RCAN1: variants seen among roughly 807,000 people sequenced by gnomAD.
The protein encoded by RCAN1 is regulator of calcineurin 1, also known as calcipressin-1.
In RCAN1, 11 loss-of-function variants were observed where a neutral mutation model predicts 22.9. The observed-to-expected ratio is 0.48, with a 90% CI of 0.30 to 0.79. The LOEUF (loss-of-function observed/expected upper bound fraction) is 0.79. RCAN1 is among the 30% of genes least tolerant of loss of function. The pLI, the probability that RCAN1 is intolerant of heterozygous loss-of-function variation, is 0.06. For synonymous variants in RCAN1, 136 were observed against 142.3 expected (o/e 0.96, Z 0.32); for missense variants, 291 against 337.8 (o/e 0.86, Z 1.09).
intron 1 of RCAN1, among the ~76,000 whole-genome samples, chr21:34,568,144 T>C (rs953741216): frequency 6.6e-6 from 1 of 152,200 alleles, no homozygotes; most frequent in Non-Finnish European, 1.5e-5. Context: ...AAGCCCGAAG[T>C]GCACATTGAA....
Position 34,585,521 on chromosome 21 carries a change from A to T in RCAN1, c.252+29239T>A, listed in dbSNP as rs138390626. On this transcript the variant is annotated intron_variant, in intron 1 of 3. Transcript: ENST00000313806. ...CACTTTCGGAGGCCGAGGTGGGCGG[A>T]TCACAAGGTCAGGAGATCAAGACCA... is the stretch of plus-strand genomic sequence containing the variant. Among the ~76,000 whole-genome samples the T allele has an allele frequency of 3.8e-3, 572 of 152,252 alleles. 5 individuals are homozygous for T. The East Asian group carries it at 0.043, about 11-fold the overall frequency.
intron 3 of RCAN1, among the ~76,000 whole-genome samples, chr21:34,519,344 G>T (rs77024202): frequency 2.3e-4 from 35 of 151,818 alleles, no homozygotes; most frequent in African/African-American, 8.4e-4. Flanking sequence ...TTCTTCCAGG[G>T]CTTTGTGCTT....
chr21:34,563,599 CT>C (rs1292892181), intron 1 of RCAN1, among the ~76,000 whole-genome samples: 1 of 151,516 alleles, frequency 6.6e-6, no homozygotes, highest in Non-Finnish European at 1.5e-5. Flanking sequence ...TTAGTCCATT[CT>C]CACACTGCTA....
intron 1 of RCAN1, among the ~76,000 whole-genome samples, chr21:34,574,750 G>A (rs959171042): frequency 8.5e-5 from 13 of 152,212 alleles, no homozygotes; most frequent in African/African-American, 3.1e-4. Flanking sequence ...GTGTAAACAC[G>A]GAGTGTCTGT....
intron 1 of RCAN1, among the ~76,000 whole-genome samples, chr21:34,575,717 G>C (rs1281158687): frequency 1.3e-5 from 2 of 152,084 alleles, no homozygotes; most frequent in Non-Finnish European, 2.9e-5. Flanking sequence ...ATTTAACATA[G>C]GAAGATTGGT....
chr21:34,519,397 CTT>C (rs34152667), intron 3 of RCAN1, among the ~76,000 whole-genome samples: 707 of 102,750 alleles, frequency 6.9e-3, no homozygotes, highest in African/African-American at 0.018. Context: ...TTCTTTCTTT[CTT>C]TTTTTTTTTT....
chr21:34,554,165 ATCT>A (rs1049465175), intron 1 of RCAN1, among the ~76,000 whole-genome samples: 3 of 152,210 alleles, frequency 2.0e-5, no homozygotes, highest in Admixed American at 2.0e-4. Context: ...TCTCATACTC[ATCT>A]TCTTTCTTTG....
chr21:34,519,343 G>A (rs1984299617), intron 3 of RCAN1, among the ~76,000 whole-genome samples: 2 of 151,688 alleles, frequency 1.3e-5, no homozygotes, highest in African/African-American at 4.8e-5. Context: ...TTTCTTCCAG[G>A]GCTTTGTGCT....
rs560085359 is a variant in RCAN1, at chr21:34,518,726, G to A, written c.587-470C>T. On this transcript the variant is annotated intron_variant, in intron 3 of 3. Coordinates refer to ENST00000313806, the MANE Select transcript of RCAN1 (RefSeq NM_004414.7). This position sits in a 1 kb window ranked among gnomAD's most constrained non-coding sequence, Gnocchi z 4.2. ...CACGCCCAGGAAGGGCGCCACAGGAGGCCCTGCAGCAGACGCAGGGGTGGC... is the reference window on the plus strand; with the variant it reads ...CACGCCCAGGAAGGGCGCCACAGGAAGCCCTGCAGCAGACGCAGGGGTGGC... Among the ~76,000 whole-genome samples, 1 of 152,348 alleles carries A rather than the reference G, an allele frequency of 6.6e-6. No homozygotes were observed. The highest frequency in any genetic ancestry group is 2.1e-4 in the South Asian group (1 of 4,834).
Position 34,523,588 on chromosome 21 carries a change from C to T in RCAN1, c.375G>A (p.Gln125=), listed in dbSNP as rs1191349842. ...TTCCCAGAAACTCAGTCTTATGCAG[C>T]TGGAGCCTGGCATCTGCTGCGGAGA... ...NPFSAADARL[Q]LHKTEFLGKE... is the part of the protein sequence containing the mutation. Residue 125 remains glutamine, a synonymous_variant, in exon 2 of 4, where the codon CAG becomes CAA. Coordinates refer to ENST00000313806, the MANE Select transcript of RCAN1 (RefSeq NM_004414.7). 2 of 1,614,168 alleles carry T rather than the reference C, an allele frequency of 1.2e-6. No individual in the cohort carries two copies. Among genetic ancestry groups the T allele is most frequent in the East Asian group, 4.5e-5 (2 of 44,882 alleles).
At chr21:34,521,832 T>C (rs1984582256) in intron 2 of RCAN1, 174 bp from the exon 3 acceptor site, 1 of 593,824 alleles carries the variant, frequency 1.7e-6, no homozygotes, top group African/African-American at 1.9e-5. Flanking sequence ...AAAGGACATA[T>C]GAACTCTGGT....
intron 1 of RCAN1, among the ~76,000 whole-genome samples, chr21:34,542,120 GTGGGATGTC>G (rs1391464373): frequency 6.6e-6 from 1 of 152,094 alleles, no homozygotes; most frequent in Non-Finnish European, 1.5e-5. Context: ...GTGTGGTGTG[GTGGGATGTC>G]ATAGGTAGCT....
intron 1 of RCAN1, among the ~76,000 whole-genome samples, chr21:34,579,960 T>C (rs1181640299): frequency 6.6e-6 from 1 of 152,166 alleles, no homozygotes; most frequent in Non-Finnish European, 1.5e-5. Context: ...TGCTAACCTA[T>C]CTCCTAGGGC....
intron 1 of RCAN1, among the ~76,000 whole-genome samples, chr21:34,579,153 G>C (rs1244620770): frequency 1.3e-5 from 2 of 152,150 alleles, no homozygotes; most frequent in Non-Finnish European, 2.9e-5. Context: ...CTAGCACCTT[G>C]GGAGGCTGAG....
At chr21:34,607,640 T>C (rs1196492029) in intron 1 of RCAN1, among the ~76,000 whole-genome samples, 1 of 152,340 alleles carries the variant, frequency 6.6e-6, no homozygotes. Context: ...GTGTTGGAAT[T>C]ATAGGCATTA....
intron 1 of RCAN1, among the ~76,000 whole-genome samples, chr21:34,604,275 C>A (rs569645815): frequency 3.9e-5 from 6 of 152,078 alleles, no homozygotes; most frequent in Non-Finnish European, 7.4e-5. Context: ...GGATTACAGG[C>A]GCCCACCACT....
chr21:34,595,591 T>C (rs920100436), intron 1 of RCAN1, among the ~76,000 whole-genome samples: 2 of 152,200 alleles, frequency 1.3e-5, no homozygotes, highest in Non-Finnish European at 2.9e-5. Flanking sequence ...CGTAAGCCAG[T>C]GCAGGAGCCG....
At chr21:34,538,056 T>C (rs759042921) in intron 1 of RCAN1, among the ~76,000 whole-genome samples, 8 of 152,230 alleles carry the variant, frequency 5.3e-5, no homozygotes, top group Non-Finnish European at 7.3e-5. Flanking sequence ...GATTGGGCCA[T>C]GTCAGAGGAA....
Position 34,614,511 on chromosome 21 carries a change from C to G in RCAN1, c.252+249G>C. 5 of 1,043,336 alleles carry G rather than the reference C, an allele frequency of 4.8e-6. No homozygotes were observed. The highest frequency in any genetic ancestry group is 5.8e-6 in the Non-Finnish European group (5 of 866,832). 64.6% of individuals were successfully genotyped at this position (1,043,336 alleles called of 1,614,324 possible). A position where few individuals can be genotyped will look rare whatever the true frequency, so the allele number is the denominator to read the frequency against. On this transcript the variant is annotated intron_variant, in intron 1 of 3. Transcript: ENST00000313806. This position sits in a 1 kb window ranked among gnomAD's most constrained non-coding sequence, Gnocchi z 6.0. ...CTAGTCGCACCAGCCTGGGCGCACA[C>G]GGGGGCCGGGGCGAGCCTGTGGGAC...
Sources: allele counts gnomAD v4.1 joint callset (sites outside exome capture counted in the v4.1 genomes callset), GRCh38; gene constraint gnomAD v4.1.1; non-coding constraint Gnocchi (gnomAD v3.1); transcripts MANE v1.5; gene names NCBI Gene and HGNC (gene_info 2026-07-23, HGNC 2026-07-21).